Variants in UNC5C observed in about 807,000 individuals in gnomAD.
The protein encoded by UNC5C is unc-5 netrin receptor C.
Under a neutral mutation model 99.8 loss-of-function variants are expected in UNC5C, and 47 were observed. The observed-to-expected ratio is 0.47, with a 90% confidence interval of 0.37 to 0.60. The LOEUF is 0.60. UNC5C is among the 20% of genes least tolerant of loss of function. The pLI, the probability that UNC5C is intolerant of heterozygous loss-of-function variation, is 0.00. For missense variants in UNC5C, 1,062 were observed against 1,165.9 expected (o/e 0.91, Z 1.30); for synonymous variants, 487 against 452.2 (o/e 1.08, Z -0.98).
chr4:95,548,876 G>T lies in UNC5C; in HGVS notation c.-19C>A. The T allele has an allele frequency of 6.2e-7, 1 of 1,609,688 alleles. No individual in the cohort carries two copies. The highest frequency in any genetic ancestry group is 8.5e-7 in the Non-Finnish European group (1 of 1,178,056). On this transcript the variant is annotated 5_prime_UTR_variant, in exon 1 of 16. Transcript: ENST00000453304. ...TCCTCATCGTAGACAGAGGTGTGCC[G>T]GGGGGAGGGGAGGGGGACAGAGAGA...
At chr4:95,217,178 G>A (rs1454760716) in intron 9 of UNC5C, among the ~76,000 whole-genome samples, 1 of 152,192 alleles carries the variant, frequency 6.6e-6, no homozygotes, top group Admixed American at 6.5e-5. Context: ...TAGTCTTCCT[G>A]TCTTTGAGTA....
At chr4:95,467,655 AGGAAGG>A (rs1232788072) in intron 1 of UNC5C, among the ~76,000 whole-genome samples, 17 of 152,168 alleles carry the variant, frequency 1.1e-4, no homozygotes. Context: ...AAAGTCTCTT[AGGAAGG>A]GTCAATACAG....
intron 1 of UNC5C, among the ~76,000 whole-genome samples, chr4:95,395,630 G>A (rs1025986268): frequency 2.0e-5 from 3 of 152,046 alleles, no homozygotes; most frequent in Admixed American, 6.6e-5. Flanking sequence ...ATTACTAATC[G>A]GGGGAGTTTC....
chr4:95,371,430 G>C (rs758138300), intron 1 of UNC5C, among the ~76,000 whole-genome samples: 27 of 67,152 alleles, frequency 4.0e-4, no homozygotes, highest in Non-Finnish European at 7.2e-4. Context: ...TTGTGGGGGG[G>C]GGGGAGTATC....
chr4:95,441,056 T>C (rs1370815609), intron 1 of UNC5C, among the ~76,000 whole-genome samples: 2 of 152,096 alleles, frequency 1.3e-5, no homozygotes, highest in Non-Finnish European at 2.9e-5. Flanking sequence ...TCATTGGAAA[T>C]AGAGTCTATA....
chr4:95,197,436 C>T (rs1737475552), intron 12 of UNC5C, among the ~76,000 whole-genome samples: 1 of 152,054 alleles, frequency 6.6e-6, no homozygotes, highest in African/African-American at 2.4e-5. Context: ...ATTTGCTATG[C>T]TGAAGATGGA....
chr4:95,527,460 T>C (rs1486314356), intron 1 of UNC5C, among the ~76,000 whole-genome samples: 2 of 152,124 alleles, frequency 1.3e-5, no homozygotes, highest in African/African-American at 4.8e-5. Context: ...TGATACTTAA[T>C]TGGTAAGCTG....
intron 2 of UNC5C, among the ~76,000 whole-genome samples, chr4:95,329,677 G>A (rs1342137653): frequency 6.6e-6 from 1 of 152,112 alleles, no homozygotes; most frequent in Non-Finnish European, 1.5e-5. Context: ...CTTAAATATA[G>A]TTTAGGAGAT....
intron 1 of UNC5C, among the ~76,000 whole-genome samples, chr4:95,335,875 G>T (rs1368280843): frequency 6.6e-6 from 1 of 151,758 alleles, no homozygotes; most frequent in Non-Finnish European, 1.5e-5. Flanking sequence ...GAGCACATAG[G>T]TAGTAAATAG....
intron 4 of UNC5C, among the ~76,000 whole-genome samples, chr4:95,271,191 A>G (rs11939358): frequency 0.033 from 5,077 of 152,288 alleles, 286 homozygotes; most frequent in African/African-American, 0.11. Context: ...CTACTGAGAT[A>G]GAGACCGTGC....
intron 2 of UNC5C, among the ~76,000 whole-genome samples, chr4:95,333,579 G>T: frequency 8.2e-6 from 1 of 121,672 alleles, no homozygotes; most frequent in East Asian, 2.9e-4. Flanking sequence ...TGTGGGGTGG[G>T]GGGAGGGGCG....
chr4:95,457,568 T>C (rs550552003), intron 1 of UNC5C, among the ~76,000 whole-genome samples: 70 of 152,208 alleles, frequency 4.6e-4, no homozygotes, highest in African/African-American at 1.6e-3. Flanking sequence ...CACTCACGTT[T>C]CCCATTTGCC....
chr4:95,541,457 A>G (rs1274235450), intron 1 of UNC5C, among the ~76,000 whole-genome samples: 1 of 152,176 alleles, frequency 6.6e-6, no homozygotes, highest in East Asian at 1.9e-4. Flanking sequence ...CATTTAAGGA[A>G]GGACTGCTGC....
intron 4 of UNC5C, among the ~76,000 whole-genome samples, chr4:95,254,766 CCT>C (rs1309857861): frequency 6.6e-6 from 1 of 152,182 alleles, no homozygotes; most frequent in Non-Finnish European, 1.5e-5. Context: ...TTTCCTTTAC[CCT>C]TTTCTGTCTT....
intron 4 of UNC5C, among the ~76,000 whole-genome samples, chr4:95,251,192 C>T (rs940552966): frequency 1.3e-5 from 2 of 152,208 alleles, no homozygotes; most frequent in African/African-American, 2.4e-5. Flanking sequence ...GGATGGTTTA[C>T]GTGTAGCCTC....
intron 1 of UNC5C, among the ~76,000 whole-genome samples, chr4:95,364,547 A>G (rs1744495051): frequency 6.6e-6 from 1 of 152,138 alleles, no homozygotes; most frequent in Non-Finnish European, 1.5e-5. Context: ...GCACCCTGTA[A>G]AATGTATATG....
intron 3 of UNC5C, among the ~76,000 whole-genome samples, chr4:95,279,342 T>A (rs6532541): frequency 0.59 from 90,120 of 151,822 alleles, 26,817 homozygotes; most frequent in East Asian, 0.84. Context: ...ATAGATATAG[T>A]TGATACAGGA....
At position 95,395,364 on chromosome 4, in the gene UNC5C, G is replaced by C. The variant is rs193235519; in HGVS notation, c.125-59733C>G. On this transcript the variant is annotated intron_variant, in intron 1 of 15. Coordinates refer to ENST00000453304, the MANE Select transcript of UNC5C (RefSeq NM_003728.4). Reference sequence around the variant, plus strand: ...TTCCTTTTGCACAGGTTTTATCAAAGCATTATTAACTTTATTCTTATATGT... The same window carrying C: ...TTCCTTTTGCACAGGTTTTATCAAACCATTATTAACTTTATTCTTATATGT... Among the ~76,000 whole-genome samples, 481 of 152,192 alleles carry C rather than the reference G, an allele frequency of 3.2e-3. 3 individuals carry two copies. The highest frequency in any genetic ancestry group is 3.9e-3 in the Non-Finnish European group (262 of 68,004).
At chr4:95,259,147 G>A (rs1276378362) in intron 4 of UNC5C, among the ~76,000 whole-genome samples, 1 of 152,002 alleles carries the variant, frequency 6.6e-6, no homozygotes, top group African/African-American at 2.4e-5. Flanking sequence ...TGAACTCTGC[G>A]ATTTTGGAGC....
Sources: gnomAD v4.1 joint callset for allele counts (sites outside exome capture counted in the v4.1 genomes callset) on GRCh38, gnomAD v4.1.1 for gene constraint, MANE v1.5 for transcripts, NCBI Gene and HGNC (gene_info 2026-07-23, HGNC 2026-07-21) for gene names.